The following MAGI2 variants were observed in gnomAD, a reference collection of about 807,000 sequenced individuals.
MAGI2 encodes the protein membrane-associated guanylate kinase, WW and PDZ domain-containing protein 2.
Under a neutral mutation model 133.3 loss-of-function variants are expected in MAGI2, and 35 were observed. That is an observed-to-expected ratio of 0.26 (90% confidence interval 0.20 to 0.35). The LOEUF (loss-of-function observed/expected upper bound fraction) is 0.35. Ranked by LOEUF, MAGI2 falls within the 10% of genes least tolerant of loss-of-function variation. The probability of loss-of-function intolerance (pLI) is 1.00; values close to 1 mark genes in which losing one functional copy is unlikely to be tolerated. For synonymous variants in MAGI2, 729 were observed against 710.6 expected (o/e 1.03, Z -0.41); for missense variants, 1,636 against 1,863.4 (o/e 0.88, Z 2.25).
intron 2 of MAGI2, among the ~76,000 whole-genome samples, chr7:78,993,122 A>T (rs1805955342): frequency 6.6e-6 from 1 of 152,102 alleles, no homozygotes; most frequent in Non-Finnish European, 1.5e-5. Flanking sequence ...AGAACAGAAC[A>T]ATTACAGAAT....
chr7:78,490,562 T>G (rs1264270476), intron 5 of MAGI2, among the ~76,000 whole-genome samples: 1 of 152,064 alleles, frequency 6.6e-6, no homozygotes, highest in African/African-American at 2.4e-5. Flanking sequence ...TAAAGTAGTG[T>G]TTTTTAAAGT....
intron 1 of MAGI2, among the ~76,000 whole-genome samples, chr7:79,198,248 G>T (rs1828265992): frequency 6.9e-6 from 1 of 145,478 alleles, no homozygotes; most frequent in African/African-American, 2.8e-5. Context: ...GTGAGACCGT[G>T]TTCAAAAACA....
chr7:79,401,114 C>T (rs565045347), intron 1 of MAGI2, among the ~76,000 whole-genome samples: 1 of 152,062 alleles, frequency 6.6e-6, no homozygotes, highest in South Asian at 2.1e-4. Flanking sequence ...AGTATTATGC[C>T]ATAACAAATA....
intron 21 of MAGI2, among the ~76,000 whole-genome samples, chr7:78,060,728 G>A (rs73362616): frequency 0.028 from 4,189 of 152,302 alleles, 186 homozygotes; most frequent in African/African-American, 0.096. Context: ...AACAGCATGT[G>A]CCCAACCCTG....
chr7:79,242,793 T>C (rs977134370), intron 1 of MAGI2, among the ~76,000 whole-genome samples: 4 of 152,262 alleles, frequency 2.6e-5, no homozygotes, highest in Non-Finnish European at 5.9e-5. Context: ...TTTGCATTTT[T>C]CAATAACATT....
At chr7:79,146,489 C>T (rs1451545418) in intron 1 of MAGI2, among the ~76,000 whole-genome samples, 1 of 152,100 alleles carries the variant, frequency 6.6e-6, no homozygotes, top group Non-Finnish European at 1.5e-5. Context: ...TTTGTTGTGT[C>T]CCCACCCAAA....
intron 16 of MAGI2, among the ~76,000 whole-genome samples, chr7:78,143,413 A>G (rs1015732571): frequency 2.4e-4 from 36 of 152,226 alleles, no homozygotes; most frequent in African/African-American, 7.9e-4. Context: ...ATGATGACCA[A>G]TTTAGTTCCT....
At chr7:79,040,256 T>G (rs923058569) in intron 1 of MAGI2, among the ~76,000 whole-genome samples, 1 of 152,002 alleles carries the variant, frequency 6.6e-6, no homozygotes, top group African/African-American at 2.4e-5. Context: ...GTGCCATGCT[T>G]CCCCTTTGCC....
intron 1 of MAGI2, among the ~76,000 whole-genome samples, chr7:79,238,857 C>T (rs76078134): frequency 6.6e-6 from 1 of 151,934 alleles, no homozygotes; most frequent in African/African-American, 2.4e-5. Flanking sequence ...GAGAAAAAAA[C>T]ATTTTGCAGG....
intron 1 of MAGI2, among the ~76,000 whole-genome samples, chr7:79,096,426 G>T (rs932239410): frequency 2.6e-5 from 4 of 152,054 alleles, no homozygotes; most frequent in Non-Finnish European, 5.9e-5. Flanking sequence ...TAGTCCCTGG[G>T]TGCATCACCA....
chr7:79,270,659 A>G (rs1364726676), intron 1 of MAGI2, among the ~76,000 whole-genome samples: 2 of 152,116 alleles, frequency 1.3e-5, no homozygotes, highest in Non-Finnish European at 2.9e-5. Context: ...TTTGATACTC[A>G]TCAGTGACAC....
chr7:78,775,307 T>G (rs1331157492), intron 2 of MAGI2, among the ~76,000 whole-genome samples: 1 of 108,440 alleles, frequency 9.2e-6, no homozygotes, highest in Non-Finnish European at 1.7e-5. Context: ...AGCGAGACTC[T>G]GTCGTCTCAA....
chr7:79,396,642 C>T (rs905360702), intron 1 of MAGI2, among the ~76,000 whole-genome samples: 7 of 152,032 alleles, frequency 4.6e-5, no homozygotes, highest in Non-Finnish European at 8.8e-5. Context: ...TTATGTCCTG[C>T]GGGTTTGCAG....
rs1584831127 is a variant in MAGI2 at position 79,064,371 on chromosome 7, C to T, written c.302-57165G>A. Among the ~76,000 whole-genome samples, 7 of 152,120 alleles carry T rather than the reference C, an allele frequency of 4.6e-5. 1 individual carries two copies. In the South Asian group the frequency reaches 1.5e-3, roughly 32 times the overall value. On this transcript the variant is annotated intron_variant, in intron 1 of 21. Coordinates refer to ENST00000354212, the MANE Select transcript of MAGI2 (RefSeq NM_012301.4). ...CAGTATAGAGAGGAGAAATCTAAAGCTCAAAGTTCAATGACTTGCATAAGA... is the reference window on the plus strand; with the variant it reads ...CAGTATAGAGAGGAGAAATCTAAAGTTCAAAGTTCAATGACTTGCATAAGA...
At chr7:78,802,740 G>A (rs1405037359) in intron 2 of MAGI2, among the ~76,000 whole-genome samples, 1 of 151,992 alleles carries the variant, frequency 6.6e-6, no homozygotes, top group Non-Finnish European at 1.5e-5. Context: ...AGTATTAAAA[G>A]TGCAATCTCA....
intron 9 of MAGI2, among the ~76,000 whole-genome samples, chr7:78,327,731 C>T (rs1240110791): frequency 1.3e-5 from 2 of 152,152 alleles, no homozygotes; most frequent in Non-Finnish European, 2.9e-5. Context: ...GTGGATGCAT[C>T]TATCTTGAAT....
chr7:79,157,345 TA>T (rs911103085), intron 1 of MAGI2, among the ~76,000 whole-genome samples: 3 of 151,186 alleles, frequency 2.0e-5, no homozygotes, highest in East Asian at 2.0e-4. Context: ...AAAATTAATT[TA>T]AAAAAAAGTC....
chr7:79,069,098 G>T (rs1814685456), intron 1 of MAGI2, among the ~76,000 whole-genome samples: 1 of 152,030 alleles, frequency 6.6e-6, no homozygotes, highest in Admixed American at 6.6e-5. Flanking sequence ...AGAGAGTTCT[G>T]TAGATGTCTA....
At chr7:79,398,162 T>C (rs1389502182) in intron 1 of MAGI2, among the ~76,000 whole-genome samples, 1 of 152,212 alleles carries the variant, frequency 6.6e-6, no homozygotes, top group Non-Finnish European at 1.5e-5. Flanking sequence ...TCTTCTGCTT[T>C]GTGGTAGAGA....
Sources: gnomAD v4.1 joint callset for allele counts (sites outside exome capture counted in the v4.1 genomes callset) on GRCh38, gnomAD v4.1.1 for gene constraint, MANE v1.5 for transcripts, NCBI Gene and HGNC (gene_info 2026-07-23, HGNC 2026-07-21) for gene names.